WDR6: variants seen among roughly 807,000 people sequenced by gnomAD.
WDR6 encodes WD repeat domain 6, also known as tRNA (34-2'-O)-methyltransferase regulator WDR6.
A neutral mutation model predicts 85.6 loss-of-function variants in WDR6; 58 were observed. The ratio of observed to expected loss-of-function variants is 0.68; its 90% CI spans 0.55 to 0.84. WDR6 has a LOEUF of 0.84. Ranked by LOEUF, WDR6 falls within the 40% of genes least tolerant of loss-of-function variation. The probability of loss-of-function intolerance (pLI) is 0.00; values close to 1 mark genes in which losing one functional copy is unlikely to be tolerated. For synonymous variants in WDR6, 569 were observed against 582.2 expected (o/e 0.98, Z 0.33); for missense variants, 1,310 against 1,476.4 (o/e 0.89, Z 1.85).
Position 49,013,069 on chromosome 3 carries a change from G to A in WDR6, c.1535G>A (p.Arg512Gln), listed in dbSNP as rs568823136. ...GACTTCCTGGTGTGTGGTGACCGCC[G>A]GGGCTCTGTGCTGCTATTCCCCTCC... is the stretch of plus-strand genomic sequence containing the variant. ...PGDFLVCGDR[R>Q]GSVLLFPSRP... The change falls in exon 2 of 6, where the codon CGG (arginine) becomes CAG (glutamine). Residue 512 changes from arginine (R) to glutamine (Q), a missense_variant. Arg to Gln is a conservative substitution (Grantham distance 43, BLOSUM62 1). Coordinates refer to ENST00000608424, the MANE Select transcript of WDR6 (RefSeq NM_018031.6). The surrounding 1 kb of genome is among the most constrained non-coding windows in gnomAD (Gnocchi z 4.6). The A allele has an allele frequency of 4.8e-5, 77 of 1,611,110 alleles. 1 individual carries two copies. In the South Asian group the frequency reaches 7.5e-4, roughly 16 times the overall value.
At position 49,012,246 on chromosome 3, in the gene WDR6, G is replaced by A. The variant is rs765391545; in HGVS notation, c.712G>A (p.Val238Met). 6.2e-7 allele frequency: 1 copy of A among 1,614,144 alleles called. No individual in the cohort carries two copies. Among genetic ancestry groups the A allele is most frequent in the East Asian group, 2.2e-5 (1 of 44,898 alleles). ...AGACCGAAGCGTTCGTATCTGGAAG[G>A]TGGGCGACCTGCGAGTGCCTGGGGG... Reference protein sequence around the residue: ...SEDRSVRIWKVGDLRVPGGRV... With the variant: ...SEDRSVRIWKMGDLRVPGGRV... The change falls in exon 2 of 6, where the codon GTG becomes ATG. Residue 238 changes from valine to methionine, a missense_variant. Coordinates refer to ENST00000608424, the MANE Select transcript of WDR6 (RefSeq NM_018031.6). The surrounding 1 kb of genome is among the most constrained non-coding windows in gnomAD (Gnocchi z 4.4).
rs2093029790 is a variant in WDR6 at position 49,013,503 on chromosome 3, C to T, written c.1969C>T (p.His657Tyr). The change falls in exon 2 of 6, where the codon CAC (histidine) becomes TAC (tyrosine). Residue 657 changes from histidine (H) to tyrosine (Y), a missense_variant. Physicochemically the swap from His to Tyr is moderately conservative, Grantham distance 83. Coordinates refer to ENST00000608424, the MANE Select transcript of WDR6 (RefSeq NM_018031.6). The surrounding 1 kb of genome is among the most constrained non-coding windows in gnomAD (Gnocchi z 4.6). ...GCACATCGTCAACTGTGGTGGAGGG[C>T]ACCGTTCGTGGGCATTCTCTGATAC... is the stretch of plus-strand genomic sequence containing the variant. ...KLHIVNCGGG[H>Y]RSWAFSDTEA... The T allele has an allele frequency of 1.2e-6, 2 of 1,613,946 alleles. No individual in the cohort carries two copies. Among genetic ancestry groups the T allele is most frequent in the Non-Finnish European group, 1.7e-6 (2 of 1,180,028 alleles).
Position 49,011,752 on chromosome 3 carries a change from A to T in WDR6, c.218A>T (p.Glu73Val), listed in dbSNP as rs2093016393. 6.2e-7 allele frequency: 1 copy of T among 1,614,090 alleles called. No homozygotes were observed. Among genetic ancestry groups the T allele is most frequent in the African/African-American group, 1.3e-5 (1 of 74,916 alleles). The change falls in exon 2 of 6, where the codon GAG becomes GTG. Residue 73 changes from glutamate (E) to valine (V), a missense_variant. Transcript: ENST00000608424. Reference sequence around the variant, plus strand: ...ATCCATGGCTTCCGGGTACGGCCAGAGCCTAATGGAGACCTTGACTTGGAG... The same window carrying T: ...ATCCATGGCTTCCGGGTACGGCCAGTGCCTAATGGAGACCTTGACTTGGAG... ...YLIHGFRVRP[E>V]PNGDLDLEAM...
intron 1 of WDR6, among the ~76,000 whole-genome samples, chr3:49,010,573 G>A (rs529744273): frequency 4.1e-4 from 63 of 152,092 alleles, no homozygotes; most frequent in African/African-American, 1.5e-3. Flanking sequence ...AAAACTGGTC[G>A]GGCTTGGTGG....
chr3:49,011,531 A>C (rs2093014840), intron 1 of WDR6, 104 bp from the exon 2 acceptor site: 1 of 1,612,300 alleles, frequency 6.2e-7, no homozygotes, highest in South Asian at 1.1e-5. Context: ...GTCCTGATGC[A>C]TTCATAGGCT....
intron 1 of WDR6, chr3:49,011,347 A>T: frequency 1.0e-6 from 1 of 968,394 alleles, no homozygotes; most frequent in Non-Finnish European, 1.4e-6. Context: ...CCAAAGTGCT[A>T]GGATTACAGG....
rs1198559092 is a variant in WDR6, at chr3:49,015,822, G to A, written c.*534G>A. On this transcript the variant is annotated 3_prime_UTR_variant, in exon 6 of 6. Coordinates refer to ENST00000608424, the MANE Select transcript of WDR6 (RefSeq NM_018031.6). ...TGCTCACCCCCAGGATGTGTACCCG[G>A]TTGTAGTAGGAGCTGAAATCCATGC... The A allele has an allele frequency of 1.2e-6, 2 of 1,614,052 alleles. No individual in the cohort carries two copies. The highest frequency in any genetic ancestry group is 2.7e-5 in the African/African-American group (2 of 74,896).
Position 49,007,687 on chromosome 3 carries a change from G to A in WDR6, c.100+156G>A. 1 of 1,334,064 alleles carries A rather than the reference G, an allele frequency of 7.5e-7. No homozygotes were observed. The highest frequency in any genetic ancestry group is 9.6e-7 in the Non-Finnish European group (1 of 1,038,384). The allele number at this position is 1,334,064 out of a possible 1,614,324, so 82.6% of individuals were successfully genotyped here. On this transcript the variant is annotated intron_variant, in intron 1 of 5. Coordinates refer to ENST00000608424, the MANE Select transcript of WDR6 (RefSeq NM_018031.6). The surrounding 1 kb of genome is among the most constrained non-coding windows in gnomAD (Gnocchi z 5.1). ...GGGAAGGGAGCCCCGGAGATGGCGG[G>A]GACGAGGGCCAACCTGAAGAGGGCG...
In WDR6 at chr3:49,014,777, C is replaced by T. The variant is rs1553730388; in HGVS notation, c.2903-48C>T. ...CCTCACCTGTCACATAGCCCTCACA[C>T]ATGTGGCAGGCGGGGCCCTGACAAC... is the stretch of plus-strand genomic sequence containing the variant. On this transcript the variant is annotated intron_variant, in intron 5 of 5. Coordinates refer to ENST00000608424, the MANE Select transcript of WDR6 (RefSeq NM_018031.6). This position sits in a 1 kb window ranked among gnomAD's most constrained non-coding sequence, Gnocchi z 4.9. 1.9e-6 allele frequency: 3 copies of T among 1,606,374 alleles called. No homozygotes were observed. Among genetic ancestry groups the T allele is most frequent in the Non-Finnish European group, 2.6e-6 (3 of 1,174,796 alleles).
At chr3:49,011,613 A>T in intron 1 of WDR6, 22 bp from the exon 2 acceptor site, 1 of 1,612,252 alleles carries the variant, frequency 6.2e-7, no homozygotes, top group Non-Finnish European at 8.5e-7. Context: ...TAGCTCTGAC[A>T]TGGCTCTTTG....
Position 49,012,129 on chromosome 3 carries a change from GTAGCACCTGAC to G in WDR6, c.596_606del (p.Val199AlafsTer84), listed in dbSNP as rs1375983054. 3 of 1,614,026 alleles carry G rather than the reference GTAGCACCTGAC, an allele frequency of 1.9e-6. No homozygotes were observed. The Admixed American group carries it at 5.0e-5, about 27-fold the overall frequency. On this transcript the variant is annotated frameshift_variant, in exon 2 of 6. Transcript: ENST00000608424. LOFTEE classifies it high-confidence loss of function. This position sits in a 1 kb window ranked among gnomAD's most constrained non-coding sequence, Gnocchi z 4.4. Reference sequence around the variant, plus strand: ...AACTGCCTTAGCAGACAACAAACCTGTAGCACCTGACCGACGAATCAGTGGGCATGTGGGCA... The same window carrying G: ...AACTGCCTTAGCAGACAACAAACCTGCGACGAATCAGTGGGCATGTGGGCA...
chr3:49,013,434 G>A lies in WDR6; in HGVS notation c.1900G>A (p.Ala634Thr). ...GAGCATGGTTATCCTGGGTTTCCAT[G>A]CCAATGAGTTTGTGGTGTGGAACCC... ...DGSMVILGFHANEFVVWNPRS... is the reference protein window; with the variant it reads ...DGSMVILGFHTNEFVVWNPRS... The change falls in exon 2 of 6, where the codon GCC becomes ACC. Residue 634 changes from alanine to threonine, a missense_variant. Coordinates refer to ENST00000608424, the MANE Select transcript of WDR6 (RefSeq NM_018031.6). The surrounding 1 kb of genome is among the most constrained non-coding windows in gnomAD (Gnocchi z 4.6). The A allele has an allele frequency of 6.2e-7, 1 of 1,614,194 alleles. No homozygotes were observed.
chr3:49,015,373 C>A lies in WDR6; in HGVS notation c.*85C>A. 6.6e-7 allele frequency: 1 copy of A among 1,511,974 alleles called. No individual in the cohort carries two copies. Among genetic ancestry groups the A allele is most frequent in the East Asian group, 2.3e-5 (1 of 44,168 alleles). The allele number at this position is 1,511,974 out of a possible 1,614,324, so 93.7% of individuals were successfully genotyped here. On this transcript the variant is annotated 3_prime_UTR_variant, in exon 6 of 6. Coordinates refer to ENST00000608424, the MANE Select transcript of WDR6 (RefSeq NM_018031.6). ...GGGATGGGCTGTCTGTGCCCATGCT[C>A]AGCATGCCTTGAGGGGAGGAGGTGG...
In WDR6 at chr3:49,011,715, G is replaced by A; in HGVS notation, c.181G>A (p.Gly61Ser). ...RMIKRVQNLL[G>S]HYLIHGFRVR... ...GATAAAGCGAGTGCAGAACCTGCTT[G>A]GCCACTATCTTATCCATGGCTTCCG... The change falls in exon 2 of 6, where the codon GGC (glycine) becomes AGC (serine). Residue 61 changes from glycine (G) to serine (S), a missense_variant. Physicochemically the swap from Gly to Ser is moderately conservative, Grantham distance 56 (BLOSUM62 0). Coordinates refer to ENST00000608424, the MANE Select transcript of WDR6 (RefSeq NM_018031.6). 2 of 1,614,172 alleles carry A rather than the reference G, an allele frequency of 1.2e-6. No homozygotes were observed. The highest frequency in any genetic ancestry group is 2.7e-5 in the African/African-American group (2 of 75,038).
Position 49,007,599 on chromosome 3 carries a change from C to CA in WDR6, c.100+69dup. 1.3e-6 allele frequency: 2 copies of CA among 1,507,738 alleles called. No homozygotes were observed. The highest frequency in any genetic ancestry group is 1.8e-6 in the Non-Finnish European group (2 of 1,121,194). The allele number at this position is 1,507,738 out of a possible 1,614,324, so 93.4% of individuals were successfully genotyped here. A position where few individuals can be genotyped will look rare whatever the true frequency, so the allele number is the denominator to read the frequency against. Reference sequence around the variant, plus strand: ...AAACAGCGCCTCCCAGGGGCGGTGCCACAGGGACAAAAGGGGTGCCCTGAG... The same window carrying CA: ...AAACAGCGCCTCCCAGGGGCGGTGCCAACAGGGACAAAAGGGGTGCCCTGAG... On this transcript the variant is annotated intron_variant, in intron 1 of 5. Coordinates refer to ENST00000608424, the MANE Select transcript of WDR6 (RefSeq NM_018031.6). This position sits in a 1 kb window ranked among gnomAD's most constrained non-coding sequence, Gnocchi z 5.1.
chr3:49,014,298 G>T lies in WDR6; in HGVS notation c.2666+5G>T. On this transcript the variant is annotated splice_donor_5th_base_variant and intron_variant, in intron 3 of 5. Transcript: ENST00000608424. This position sits in a 1 kb window ranked among gnomAD's most constrained non-coding sequence, Gnocchi z 4.9. ...CTGTAGTGATGGGGCCGTAAGGTGA[G>T]AGCATAGGGCCCAGTGGGACAGGAG... The T allele has an allele frequency of 6.2e-7, 1 of 1,614,156 alleles. No individual in the cohort carries two copies. The highest frequency in any genetic ancestry group is 1.1e-5 in the South Asian group (1 of 91,078).
At position 49,015,107 on chromosome 3, in the gene WDR6, C is replaced by T; in HGVS notation, c.3185C>T (p.Ala1062Val). The T allele has an allele frequency of 6.2e-7, 1 of 1,614,110 alleles. No homozygotes were observed. Among genetic ancestry groups the T allele is most frequent in the Admixed American group, 1.7e-5 (1 of 60,026 alleles). The part of the protein sequence containing the change: ...KILSPSIMVS[A>V]SIDQRLTFWR... ...CTAAGCCCAAGCATCATGGTCTCAG[C>T]CTCCATTGATCAACGGCTGACCTTC... is the stretch of plus-strand genomic sequence containing the variant. Residue 1062 changes from alanine (A) to valine (V), a missense_variant, in exon 6 of 6, where the codon GCC becomes GTC. By Grantham distance (64) the Ala-to-Val change is moderately conservative. Coordinates refer to ENST00000608424, the MANE Select transcript of WDR6 (RefSeq NM_018031.6).
rs754717706 is a variant in WDR6, at chr3:49,014,799, C to A, written c.2903-26C>A. The A allele has an allele frequency of 1.2e-6, 2 of 1,602,194 alleles. No individual in the cohort carries two copies. Among genetic ancestry groups the A allele is most frequent in the South Asian group, 2.2e-5 (2 of 89,610 alleles). ...ACACATGTGGCAGGCGGGGCCCTGA[C>A]AACTACCCTCTTCCTCTTCCTTCAG... On this transcript the variant is annotated intron_variant, in intron 5 of 5. Coordinates refer to ENST00000608424, the MANE Select transcript of WDR6 (RefSeq NM_018031.6). The surrounding 1 kb of genome is among the most constrained non-coding windows in gnomAD (Gnocchi z 4.9).
In WDR6 at chr3:49,012,905, C is replaced by A; in HGVS notation, c.1371C>A (p.Gly457=). The A allele has an allele frequency of 6.2e-7, 1 of 1,613,806 alleles. No homozygotes were observed. The highest frequency in any genetic ancestry group is 8.5e-7 in the Non-Finnish European group (1 of 1,179,932). The change falls in exon 2 of 6, where the codon GGC becomes GGA. Residue 457 remains glycine, a synonymous_variant. Transcript: ENST00000608424. The surrounding 1 kb of genome is among the most constrained non-coding windows in gnomAD (Gnocchi z 4.4). ...GYEELLLLAS[G]PGGVVACLEI... ...AGGAGCTCCTGTTGCTGGCATCGGGCCCTGGCGGGGTAGTAGCTTGCCTAG... is the reference window on the plus strand; with the variant it reads ...AGGAGCTCCTGTTGCTGGCATCGGGACCTGGCGGGGTAGTAGCTTGCCTAG...
Sources: gnomAD v4.1 joint callset for allele counts (sites outside exome capture counted in the v4.1 genomes callset) on GRCh38, gnomAD v4.1.1 for gene constraint, Gnocchi (gnomAD v3.1) non-coding constraint, MANE v1.5 for transcripts, NCBI Gene and HGNC (gene_info 2026-07-23, HGNC 2026-07-21) for gene names.